PKHD1L1: variants seen among roughly 807,000 people sequenced by gnomAD.
PKHD1L1 encodes the protein PKHD1 like 1.
A neutral mutation model predicts 462.9 loss-of-function variants in PKHD1L1; 434 were observed. That is an observed-to-expected ratio of 0.94 (90% CI 0.87 to 1.02). The LOEUF (loss-of-function observed/expected upper bound fraction) is 1.02. Among genes scored for constraint, PKHD1L1 ranks in the 50% least tolerant of loss-of-function variants. The pLI, the probability that PKHD1L1 is intolerant of heterozygous loss-of-function variation, is 0.00. For synonymous variants in PKHD1L1, 1,781 were observed against 1,750.0 expected (o/e 1.02, Z -0.44); for missense variants, 5,202 against 5,096.1 (o/e 1.02, Z -0.63).
In PKHD1L1 at chr8:109,490,961, ATGT is replaced by A; in HGVS notation, c.9985-7_9985-5del. On this transcript the variant is annotated splice_region_variant and splice_polypyrimidine_tract_variant and intron_variant, in intron 60 of 77. Transcript: ENST00000378402. ...TTTTAAAAATGTTCTCTGTATCCCAATGTTGTATAGATTCAAGAACATGGCTCA... is the reference window on the plus strand; with the variant it reads ...TTTTAAAAATGTTCTCTGTATCCCAATGTATAGATTCAAGAACATGGCTCA... 2 of 1,592,864 alleles carry A rather than the reference ATGT, an allele frequency of 1.3e-6. No homozygotes were observed. The highest frequency in any genetic ancestry group is 1.7e-6 in the Non-Finnish European group (2 of 1,167,358).
intron 14 of PKHD1L1, among the ~76,000 whole-genome samples, chr8:109,403,857 A>G (rs1381737894): frequency 6.6e-6 from 1 of 152,202 alleles, no homozygotes; most frequent in Non-Finnish European, 1.5e-5. Context: ...GATGTGAGCA[A>G]TGGTGACATT....
chr8:109,426,973 T>A, intron 24 of PKHD1L1, 29 bp from the exon 25 acceptor site: 1 of 1,219,566 alleles, frequency 8.2e-7, no homozygotes, highest in Non-Finnish European at 1.2e-6. Context: ...TTGTGACTCC[T>A]GCTGTTTGCC....
rs1166522597 is a variant in PKHD1L1, at chr8:109,465,057, A to C, written c.8225A>C (p.His2742Pro). The C allele has an allele frequency of 3.7e-6, 6 of 1,613,674 alleles. No individual in the cohort carries two copies. In the Admixed American group the frequency reaches 5.0e-5, roughly 13 times the overall value. ...GAAGGCTTGACTGTCTCTTCTGTGCACTTTATGAACTTTGACCGTCCCAAC... is the reference window on the plus strand; with the variant it reads ...GAAGGCTTGACTGTCTCTTCTGTGCCCTTTATGAACTTTGACCGTCCCAAC... Reference protein sequence around the residue: ...FSEGLTVSSVHFMNFDRPNCV... With the variant: ...FSEGLTVSSVPFMNFDRPNCV... Residue 2742 changes from histidine (H) to proline (P), a missense_variant, in exon 49 of 78, where the codon CAC (histidine) becomes CCC (proline). Physicochemically the swap from His to Pro is moderately conservative, Grantham distance 77. This residue lies in a region of PKHD1L1 where 4,497 missense variants were observed against 4,336.8 expected (regional missense o/e 1.04). Transcript: ENST00000378402.
intron 53 of PKHD1L1, among the ~76,000 whole-genome samples, chr8:109,478,499 G>A (rs1397375804): frequency 2.0e-5 from 3 of 152,064 alleles, no homozygotes; most frequent in African/African-American, 7.2e-5. Flanking sequence ...GCCTTTGGGT[G>A]GGGTGGTTAG....
Position 109,452,836 on chromosome 8 carries a change from A to C in PKHD1L1, c.6626A>C (p.Asp2209Ala), listed in dbSNP as rs1399135158. Residue 2209 changes from aspartate to alanine, a missense_variant, in exon 43 of 78, where the codon GAT (aspartate) becomes GCT (alanine). Around this residue, in one of 3 missense-constraint regions of PKHD1L1, gnomAD observed 4,497 missense variants for 4,336.8 expected, o/e 1.04. Transcript: ENST00000378402. The part of the protein sequence containing the change: ...VITKGQTILL[D>A]QSTPILKMLL... ...ACAAAAGGACAGACCATTCTGCTGG[A>C]TCAAAGCACCCCTATTTTGAAAATG... 1 of 1,522,182 alleles carries C rather than the reference A, an allele frequency of 6.6e-7. No homozygotes were observed. Among genetic ancestry groups the C allele is most frequent in the African/African-American group, 1.4e-5 (1 of 71,136 alleles). The allele number at this position is 1,522,182 out of a possible 1,614,324, so 94.3% of individuals were successfully genotyped here. A position where few individuals can be genotyped will look rare whatever the true frequency, so the allele number is the denominator to read the frequency against.
At chr8:109,457,712 G>A (rs1332366843) in intron 46 of PKHD1L1, among the ~76,000 whole-genome samples, 2 of 152,084 alleles carry the variant, frequency 1.3e-5, no homozygotes, top group East Asian at 3.8e-4. Flanking sequence ...GCAGAACTTG[G>A]CTCAAACTAA....
chr8:109,413,398 A>G, intron 20 of PKHD1L1, 23 bp from the exon 21 acceptor site: 1 of 1,433,462 alleles, frequency 7.0e-7, no homozygotes, highest in Non-Finnish European at 9.4e-7. Context: ...ATTGTTACCA[A>G]TGTTTTTCAT....
At position 109,438,355 on chromosome 8, in the gene PKHD1L1, C is replaced by T; in HGVS notation, c.3659C>T (p.Thr1220Ile). 6.5e-7 allele frequency: 1 copy of T among 1,534,874 alleles called. No individual in the cohort carries two copies. The highest frequency in any genetic ancestry group is 1.2e-5 in the South Asian group (1 of 81,850). The change falls in exon 31 of 78, where the codon ACT becomes ATT. Residue 1220 changes from threonine to isoleucine, a missense_variant. Transcript: ENST00000378402. Reference protein sequence around the residue: ...KTEGTVDISVTTNGFQATARD... With the variant: ...KTEGTVDISVITNGFQATARD... ...GAGGGTACAGTTGATATTTCAGTTA[C>T]TACCAATGGATTTCAAGCCACAGCA...
At chr8:109,397,681 C>T (rs1403646380) in intron 11 of PKHD1L1, among the ~76,000 whole-genome samples, 1 of 152,046 alleles carries the variant, frequency 6.6e-6, no homozygotes, top group Non-Finnish European at 1.5e-5. Flanking sequence ...CAGAGCAAGA[C>T]CCTGACTCAA....
At chr8:109,482,341 T>C (rs1014120218) in intron 56 of PKHD1L1, among the ~76,000 whole-genome samples, 2 of 151,894 alleles carry the variant, frequency 1.3e-5, no homozygotes, top group Non-Finnish European at 2.9e-5. Flanking sequence ...ATGTGCTTTT[T>C]ATTTCAAAAG....
rs187641517 is a variant in PKHD1L1 at position 109,445,483 on chromosome 8, A to C, written c.5614A>C (p.Ile1872Leu). 4.2e-5 allele frequency: 68 copies of C among 1,613,798 alleles called. No homozygotes were observed. In the Middle Eastern group the frequency reaches 2.1e-3, roughly 51 times the overall value. Residue 1872 changes from isoleucine (I) to leucine (L), a missense_variant, in exon 38 of 78, where the codon ATT becomes CTT. By Grantham distance (5) the Ile-to-Leu change is conservative (BLOSUM62 2). Transcript: ENST00000378402. ...CACTATTGGGGATGAACCTTGTCAA[A>C]TTATTTCCATCAACCCCAATGAAGT... ...TVTIGDEPCQ[I>L]ISINPNEVYC...
intron 50 of PKHD1L1, among the ~76,000 whole-genome samples, chr8:109,473,518 G>GAAA (rs1018548199): frequency 7.6e-6 from 1 of 131,068 alleles, no homozygotes; most frequent in African/African-American, 2.8e-5. Context: ...TCCATCTCAA[G>GAAA]AAAAAAAAAA....
intron 73 of PKHD1L1, among the ~76,000 whole-genome samples, chr8:109,521,132 G>A (rs1052857334): frequency 6.6e-6 from 1 of 152,160 alleles, no homozygotes; most frequent in African/African-American, 2.4e-5. Context: ...CTTTTAAACT[G>A]ACAAGGACTG....
chr8:109,492,005 C>A lies in PKHD1L1; in HGVS notation c.10236+11C>A. Reference sequence around the variant, plus strand: ...CATGCAGCAATTGAGGTAGTGAAAACAAACTTATAATTATACTAATTTATA... The same window carrying A: ...CATGCAGCAATTGAGGTAGTGAAAAAAAACTTATAATTATACTAATTTATA... On this transcript the variant is annotated intron_variant, in intron 62 of 77. Transcript: ENST00000378402. The A allele has an allele frequency of 6.7e-7, 1 of 1,489,214 alleles. No homozygotes were observed. The highest frequency in any genetic ancestry group is 9.0e-7 in the Non-Finnish European group (1 of 1,107,854). 92.3% of individuals were successfully genotyped at this position (1,489,214 alleles called of 1,614,324 possible).
Position 109,466,634 on chromosome 8 carries a change from A to G in PKHD1L1, c.8470A>G (p.Thr2824Ala), listed in dbSNP as rs1817455155. The change falls in exon 50 of 78, where the codon ACT becomes GCT. Residue 2824 changes from threonine to alanine, a missense_variant. Transcript: ENST00000378402. The part of the protein sequence containing the change: ...HSSLLDPSHC[T>A]QEAEWSIGFP... ...CTCATTGCTAGACCCTTCTCATTGT[A>G]CTCAGGAAGCTGAGTGGAGCATTGG... 1 of 1,610,486 alleles carries G rather than the reference A, an allele frequency of 6.2e-7. No homozygotes were observed. The highest frequency in any genetic ancestry group is 8.5e-7 in the Non-Finnish European group (1 of 1,178,332).
chr8:109,398,644 G>A, intron 12 of PKHD1L1, 96 bp downstream of exon 12: 1 of 505,484 alleles, frequency 2.0e-6, no homozygotes, highest in South Asian at 7.2e-5. Context: ...TTTAGAATTT[G>A]TAGTAAGAAT....
chr8:109,432,970 T>C lies in PKHD1L1; in HGVS notation c.3230-136T>C, dbSNP rs1323084582. 3 of 613,102 alleles carry C rather than the reference T, an allele frequency of 4.9e-6. No homozygotes were observed. The African/African-American group carries it at 5.6e-5, about 12-fold the overall frequency. The allele number at this position is 613,102 out of a possible 1,614,324, so 38.0% of individuals were successfully genotyped here. On this transcript the variant is annotated intron_variant, in intron 27 of 77. Coordinates refer to ENST00000378402, the MANE Select transcript of PKHD1L1 (RefSeq NM_177531.6). Reference sequence around the variant, plus strand: ...ATTGACAAATAAATGTGGATTTTTCTCCCTGCTCTCCTGTTAGGCTTATTG... The same window carrying C: ...ATTGACAAATAAATGTGGATTTTTCCCCCTGCTCTCCTGTTAGGCTTATTG...
chr8:109,385,424 G>A (rs1018023084), intron 5 of PKHD1L1, 113 bp from the exon 6 acceptor site: 1 of 592,036 alleles, frequency 1.7e-6, no homozygotes, highest in Non-Finnish European at 2.9e-6. Context: ...GCAAACATGA[G>A]GTATAAGTGT....
intron 32 of PKHD1L1, 131 bp downstream of exon 32, chr8:109,439,223 A>C: frequency 1.2e-6 from 1 of 800,544 alleles, no homozygotes; most frequent in Non-Finnish European, 2.0e-6. Context: ...CTTCTTTGGC[A>C]AAAGATGCCG....
Sources: allele counts gnomAD v4.1 joint callset (sites outside exome capture counted in the v4.1 genomes callset), GRCh38; gene constraint gnomAD v4.1.1; regional missense constraint gnomAD v4.1.1; transcripts MANE v1.5; gene names NCBI Gene and HGNC (gene_info 2026-07-23, HGNC 2026-07-21).